MALRD1: variants seen among roughly 807,000 people sequenced by gnomAD.
MALRD1 encodes the protein MAM and LDL-receptor class A domain-containing protein 1.
A neutral mutation model predicts 242.1 loss-of-function variants in MALRD1; 247 were observed. The observed-to-expected ratio is 1.02, with a 90% CI of 0.92 to 1.13. The LOEUF is 1.13. Ranked by LOEUF, MALRD1 falls within the 50% of genes most tolerant of loss-of-function variation. The pLI is 0.00. For synonymous variants in MALRD1, 995 were observed against 866.6 expected (o/e 1.15, Z -2.60); for missense variants, 2,989 against 2,533.1 (o/e 1.18, Z -3.86).
At chr10:19,604,838 A>G (rs970447256) in intron 34 of MALRD1, among the ~76,000 whole-genome samples, 3 of 152,252 alleles carry the variant, frequency 2.0e-5, no homozygotes, top group Admixed American at 6.5e-5. Context: ...ACTGGGAAAC[A>G]AAACAATTTT....
chr10:19,731,328 C>T (rs1835287328), intron 39 of MALRD1, among the ~76,000 whole-genome samples: 1 of 152,016 alleles, frequency 6.6e-6, no homozygotes. Flanking sequence ...GAAAACCTTT[C>T]TTGTTCCTTT....
intron 31 of MALRD1, among the ~76,000 whole-genome samples, chr10:19,501,335 T>C (rs1175717515): frequency 6.6e-6 from 1 of 152,172 alleles, no homozygotes; most frequent in East Asian, 1.9e-4. Flanking sequence ...AGCACTCCTC[T>C]TTCTAATTAT....
intron 4 of MALRD1, among the ~76,000 whole-genome samples, chr10:19,095,839 C>T (rs1836008834): frequency 6.6e-6 from 1 of 152,164 alleles, no homozygotes; most frequent in African/African-American, 2.4e-5. Context: ...ACAACAAAAG[C>T]AACAAAACCA....
intron 38 of MALRD1, among the ~76,000 whole-genome samples, chr10:19,700,093 A>G (rs906743477): frequency 4.6e-5 from 7 of 151,790 alleles, no homozygotes; most frequent in Non-Finnish European, 8.8e-5. Context: ...TGAAGGCCAC[A>G]ACAACAGAAA....
At chr10:19,223,018 G>C (rs1165150643) in intron 18 of MALRD1, among the ~76,000 whole-genome samples, 2 of 152,132 alleles carry the variant, frequency 1.3e-5, no homozygotes, top group African/African-American at 4.8e-5. Context: ...TATGCTCTAA[G>C]TGTAGCCTCC....
intron 32 of MALRD1, among the ~76,000 whole-genome samples, chr10:19,554,277 C>T (rs1835615956): frequency 6.6e-6 from 1 of 152,094 alleles, no homozygotes; most frequent in African/African-American, 2.4e-5. Context: ...CAGGAAGTTT[C>T]CAATCATTGT....
intron 30 of MALRD1, among the ~76,000 whole-genome samples, chr10:19,494,710 A>T (rs1035283952): frequency 1.3e-5 from 2 of 152,180 alleles, no homozygotes; most frequent in African/African-American, 4.8e-5. Flanking sequence ...CTGAAAAAAC[A>T]TAGACAAAAA....
chr10:19,231,116 G>T (rs1230959659), intron 18 of MALRD1, among the ~76,000 whole-genome samples: 3 of 152,088 alleles, frequency 2.0e-5, no homozygotes, highest in Non-Finnish European at 2.9e-5. Context: ...TCAAGCTGAT[G>T]TCCATCCTTG....
chr10:19,195,123 G>C (rs1836180071), intron 14 of MALRD1, among the ~76,000 whole-genome samples: 1 of 152,142 alleles, frequency 6.6e-6, no homozygotes, highest in South Asian at 2.1e-4. Context: ...TTGATTATCA[G>C]ATAGAAAAGC....
intron 31 of MALRD1, among the ~76,000 whole-genome samples, chr10:19,504,643 A>G (rs999093025): frequency 1.1e-4 from 17 of 148,950 alleles, no homozygotes; most frequent in Non-Finnish European, 1.8e-4. Flanking sequence ...ACAAAAACAT[A>G]TAATGACTAT....
intron 36 of MALRD1, among the ~76,000 whole-genome samples, chr10:19,616,725 C>A (rs1839174388): frequency 6.6e-6 from 1 of 152,018 alleles, no homozygotes; most frequent in South Asian, 2.1e-4. Context: ...CTGTCTTAAT[C>A]AACACACATA....
At chr10:19,581,228 T>C (rs927540762) in intron 33 of MALRD1, among the ~76,000 whole-genome samples, 2 of 141,456 alleles carry the variant, frequency 1.4e-5, no homozygotes, top group African/African-American at 5.2e-5. Context: ...TTTATTTATT[T>C]ATTATTATAC....
chr10:19,578,923 C>T (rs907489641), intron 33 of MALRD1, among the ~76,000 whole-genome samples: 4 of 151,656 alleles, frequency 2.6e-5, no homozygotes, highest in African/African-American at 7.3e-5. Context: ...TCCAAGAACA[C>T]GTGTTATATA....
intron 18 of MALRD1, among the ~76,000 whole-genome samples, chr10:19,253,028 C>T (rs751340700): frequency 1.3e-5 from 2 of 151,942 alleles, no homozygotes; most frequent in Non-Finnish European, 2.9e-5. Flanking sequence ...AATATTAGAT[C>T]GTTGTCTGAA....
intron 32 of MALRD1, among the ~76,000 whole-genome samples, chr10:19,562,065 A>G (rs1382138417): frequency 6.6e-6 from 1 of 152,196 alleles, no homozygotes; most frequent in Non-Finnish European, 1.5e-5. Flanking sequence ...TGGCAGGCCA[A>G]GGTGGGTGGA....
intron 14 of MALRD1, among the ~76,000 whole-genome samples, chr10:19,201,499 A>T (rs1836540155): frequency 6.6e-6 from 1 of 152,208 alleles, no homozygotes; most frequent in Admixed American, 6.5e-5. Flanking sequence ...GATAGATATT[A>T]TACATTAATA....
chr10:19,644,427 T>C (rs1589351206), intron 36 of MALRD1, among the ~76,000 whole-genome samples: 1 of 796 alleles, frequency 1.3e-3, no homozygotes, highest in East Asian at 0.05. Flanking sequence ...ATCAGTCTAC[T>C]TTGCTAGAAG....
At chr10:19,084,171 A>C (rs976958932) in intron 2 of MALRD1, among the ~76,000 whole-genome samples, 1 of 151,954 alleles carries the variant, frequency 6.6e-6, no homozygotes, top group African/African-American at 2.4e-5. Context: ...GGTTCTGTTG[A>C]GCTTGCTAGC....
intron 14 of MALRD1, among the ~76,000 whole-genome samples, chr10:19,181,674 A>G (rs1277545124): frequency 6.6e-6 from 1 of 152,180 alleles, no homozygotes; most frequent in Non-Finnish European, 1.5e-5. Flanking sequence ...GACTACAGTT[A>G]ATAACAGATT....
Sources: allele counts gnomAD v4.1 joint callset (sites outside exome capture counted in the v4.1 genomes callset), GRCh38; gene constraint gnomAD v4.1.1; transcripts MANE v1.5; gene names NCBI Gene and HGNC (gene_info 2026-07-23, HGNC 2026-07-21).